The following MROH2B variants were observed in gnomAD, a reference collection of about 807,000 sequenced individuals.
MROH2B encodes the protein maestro heat like repeat family member 2B.
A neutral mutation model predicts 208.6 loss-of-function variants in MROH2B; 177 were observed. The observed-to-expected ratio is 0.85, with a 90% CI of 0.75 to 0.96. The LOEUF is 0.96. Among genes scored for constraint, MROH2B ranks in the 40% least tolerant of loss-of-function variants. The pLI, the probability that MROH2B is intolerant of heterozygous loss-of-function variation, is 0.00. For missense variants in MROH2B, 2,002 were observed against 1,878.7 expected (o/e 1.07, Z -1.21); for synonymous variants, 728 against 659.0 (o/e 1.10, Z -1.60).
In MROH2B at chr5:41,019,011, T is replaced by G. The variant is rs768198463; in HGVS notation, c.2449A>C (p.Lys817Gln). ...LIAIRYLSKLKPQLSLQDHLN... is the reference protein window; with the variant it reads ...LIAIRYLSKLQPQLSLQDHLN... ...TGGTCTTGTAGTGAGAGCTGAGGTT[T>G]CAGTTTACTGAAATGAGAACCAGGT... Residue 817 changes from lysine to glutamine, a missense_variant, in exon 25 of 42, where the codon AAA becomes CAA. Transcript: ENST00000399564. 1 of 1,613,860 alleles carries G rather than the reference T, an allele frequency of 6.2e-7. No individual in the cohort carries two copies. The highest frequency in any genetic ancestry group is 8.5e-7 in the Non-Finnish European group (1 of 1,179,846).
chr5:41,013,683 C>A (rs1741845866), intron 29 of MROH2B, among the ~76,000 whole-genome samples: 1 of 152,180 alleles, frequency 6.6e-6, no homozygotes, highest in South Asian at 2.1e-4. Context: ...TGCCGGTTGT[C>A]CAAGCTTCAT....
chr5:41,048,113 A>C, intron 16 of MROH2B: 1 of 531,958 alleles, frequency 1.9e-6, no homozygotes, highest in Non-Finnish European at 3.1e-6. Flanking sequence ...CCTGCTAAGA[A>C]TGTTACCTAC....
At position 41,022,910 on chromosome 5, in the gene MROH2B, G is replaced by A. The variant is rs1053029170; in HGVS notation, c.2442-3892C>T. Among the ~76,000 whole-genome samples the A allele has an allele frequency of 1.3e-4, 19 of 151,028 alleles. No individual in the cohort carries two copies. The East Asian group carries it at 1.9e-3, about 15-fold the overall frequency. ...CAATATTCACTGTTCTGCAGCCTCC[G>A]CTGCTGATAACCAGGCAAACAGGGT... On this transcript the variant is annotated intron_variant, in intron 24 of 41. Transcript: ENST00000399564.
In MROH2B at chr5:41,059,388, TTTGAC is replaced by T. The variant is rs564982865; in HGVS notation, c.616-1190_616-1186del. Among the ~76,000 whole-genome samples the T allele has an allele frequency of 3.1e-3, 474 of 152,344 alleles. 2 individuals carry two copies. Among genetic ancestry groups the T allele is most frequent in the African/African-American group, 0.011 (451 of 41,580 alleles). On this transcript the variant is annotated intron_variant, in intron 6 of 41. Transcript: ENST00000399564. ...CTGGTATATTTTAGTATATTTTTTA[TTTGAC>T]TTATTTCCTATGTTTTCCATGAATT...
chr5:40,998,373 A>G (rs1476231620), intron 41 of MROH2B, among the ~76,000 whole-genome samples: 1 of 152,166 alleles, frequency 6.6e-6, no homozygotes, highest in Non-Finnish European at 1.5e-5. Context: ...TGACCTTGTG[A>G]TCAGTAGGTT....
At chr5:41,060,927 T>A (rs1293774338) in intron 6 of MROH2B, among the ~76,000 whole-genome samples, 2 of 152,184 alleles carry the variant, frequency 1.3e-5, no homozygotes, top group Non-Finnish European at 2.9e-5. Flanking sequence ...AAACCTTTTA[T>A]AATAAAGCAA....
At chr5:41,042,291 A>T in intron 18 of MROH2B, 83 bp from the exon 19 acceptor site, 1 of 802,480 alleles carries the variant, frequency 1.2e-6, no homozygotes, top group Admixed American at 2.4e-5. Flanking sequence ...TAAAATAATC[A>T]TCTGAAGGAA....
chr5:41,015,775 G>A (rs1013028838), intron 28 of MROH2B, among the ~76,000 whole-genome samples: 2 of 152,196 alleles, frequency 1.3e-5, no homozygotes, highest in Non-Finnish European at 1.5e-5. Context: ...GGCACACGGT[G>A]AATAAAAATA....
chr5:41,036,149 CACA>C (rs1742752266), intron 21 of MROH2B, among the ~76,000 whole-genome samples: 1 of 151,974 alleles, frequency 6.6e-6, no homozygotes, highest in African/African-American at 2.4e-5. Context: ...CACACACACA[CACA>C]CCCCACATTT....
intron 6 of MROH2B, among the ~76,000 whole-genome samples, chr5:41,060,022 A>C (rs1561306307): frequency 6.6e-6 from 1 of 152,252 alleles, no homozygotes; most frequent in East Asian, 1.9e-4. Context: ...CATCAAACCC[A>C]TTTTGTACTG....
chr5:41,064,616 A>T (rs192411699), intron 4 of MROH2B, 46 bp from the exon 5 acceptor site: 5 of 1,499,114 alleles, frequency 3.3e-6, no homozygotes, highest in Non-Finnish European at 4.6e-6. Flanking sequence ...TATCTTCTCA[A>T]ATTTGGGGTT....
intron 11 of MROH2B, among the ~76,000 whole-genome samples, chr5:41,053,341 A>G (rs1303312159): frequency 2.0e-5 from 3 of 152,212 alleles, no homozygotes; most frequent in Non-Finnish European, 2.9e-5. Context: ...ATGGATTTCC[A>G]TTATGGGTTT....
At chr5:41,034,976 T>C (rs530482733) in intron 21 of MROH2B, among the ~76,000 whole-genome samples, 1 of 152,262 alleles carries the variant, frequency 6.6e-6, no homozygotes, top group Non-Finnish European at 1.5e-5. Context: ...AAACATTCCA[T>C]GCTCACAGAT....
chr5:41,014,123 G>A (rs1463392999), intron 29 of MROH2B, among the ~76,000 whole-genome samples: 1 of 152,176 alleles, frequency 6.6e-6, no homozygotes, highest in Non-Finnish European at 1.5e-5. Flanking sequence ...CTCTCTGTGA[G>A]TGTATTGTCA....
intron 21 of MROH2B, among the ~76,000 whole-genome samples, chr5:41,037,322 T>C (rs375161143): frequency 1.3e-5 from 2 of 152,228 alleles, no homozygotes; most frequent in Admixed American, 6.5e-5. Flanking sequence ...CATAAATTAA[T>C]GTAACATAAA....
intron 24 of MROH2B, among the ~76,000 whole-genome samples, chr5:41,024,195 A>G (rs1179222337): frequency 6.6e-6 from 1 of 152,218 alleles, no homozygotes; most frequent in Non-Finnish European, 1.5e-5. Flanking sequence ...TATTAACCTT[A>G]AATGTAAATG....
At chr5:41,034,946 G>C (rs760072184) in intron 21 of MROH2B, among the ~76,000 whole-genome samples, 14 of 152,084 alleles carry the variant, frequency 9.2e-5, no homozygotes, top group Non-Finnish European at 1.9e-4. Flanking sequence ...AGAAATCAGA[G>C]ATGACACAAA....
rs1743970671 is a variant in MROH2B at position 41,070,916 on chromosome 5, A to T, written c.-64T>A. On this transcript the variant is annotated 5_prime_UTR_variant, in exon 1 of 42. Coordinates refer to ENST00000399564, the MANE Select transcript of MROH2B (RefSeq NM_173489.5). The stretch of plus-strand genomic sequence containing the variant: ...AGTATTAGAAATAGTAAGGCTAAAA[A>T]ATCAAAGAGGCAGGTTGGCAAGTTT... 1.3e-6 allele frequency: 2 copies of T among 1,553,992 alleles called. No homozygotes were observed. The highest frequency in any genetic ancestry group is 8.8e-7 in the Non-Finnish European group (1 of 1,136,814).
chr5:41,047,746 A>G lies in MROH2B; in HGVS notation c.1703T>C (p.Val568Ala), dbSNP rs777014967. Residue 568 changes from valine (V) to alanine (A), a missense_variant, in exon 17 of 42, where the codon GTT (valine) becomes GCT (alanine). Coordinates refer to ENST00000399564, the MANE Select transcript of MROH2B (RefSeq NM_173489.5). Reference sequence around the variant, plus strand: ...CTGAAGCAGCATGGTTTCCCATAGAACGGTACTGATGTTCTTTCCTAGAAA... The same window carrying G: ...CTGAAGCAGCATGGTTTCCCATAGAGCGGTACTGATGTTCTTTCCTAGAAA... ...QPLEGKNIST[V>A]LWETMLLQLL... 7.5e-6 allele frequency: 12 copies of G among 1,594,644 alleles called. No homozygotes were observed. The highest frequency in any genetic ancestry group is 1.0e-5 in the Non-Finnish European group (12 of 1,169,630).
Sources: gnomAD v4.1 joint callset for allele counts (sites outside exome capture counted in the v4.1 genomes callset) on GRCh38, gnomAD v4.1.1 for gene constraint, MANE v1.5 for transcripts, NCBI Gene and HGNC (gene_info 2026-07-23, HGNC 2026-07-21) for gene names.